Variants in NUP93 observed in about 807,000 individuals in gnomAD.
The protein encoded by NUP93 is nuclear pore complex protein Nup93.
NUP93 carries 55 observed loss-of-function variants against 107.8 expected under a neutral mutation model. The ratio of observed to expected loss-of-function variants is 0.51; its 90% CI spans 0.41 to 0.64. NUP93 has a LOEUF of 0.64. Among genes scored for constraint, NUP93 ranks in the 30% least tolerant of loss-of-function variants. NUP93 has a pLI of 0.00. For missense variants in NUP93, 937 were observed against 1,044.7 expected, an observed-to-expected ratio of 0.90 and a Z score of 1.42; for synonymous variants, 390 against 397.5, an observed-to-expected ratio of 0.98 and a Z score of 0.22.
intron 3 of NUP93, among the ~76,000 whole-genome samples, chr16:56,767,963 GA>G (rs1156596581): frequency 1.3e-5 from 2 of 152,120 alleles, no homozygotes; most frequent in Non-Finnish European, 2.9e-5. Flanking sequence ...CTCAGACTGA[GA>G]GATACTTTTA....
In NUP93 at chr16:56,841,793, C is replaced by T. The variant is rs572483425; in HGVS notation, c.2309C>T (p.Ser770Leu). The T allele has an allele frequency of 2.3e-5, 37 of 1,614,220 alleles. No homozygotes were observed. The highest frequency in any genetic ancestry group is 2.2e-4 in the East Asian group (10 of 44,886). Residue 770 changes from serine (S) to leucine (L), a missense_variant, in exon 21 of 22, where the codon TCG becomes TTG. By Grantham distance (145) the Ser-to-Leu change is moderately radical (BLOSUM62 -2). Coordinates refer to ENST00000308159, the MANE Select transcript of NUP93 (RefSeq NM_014669.5). The stretch of plus-strand genomic sequence containing the variant: ...AGGCTCAAGGGGACAAGTCCATCCT[C>T]GTCATCCAGGCCCCAGCGAGTCATC... ...FKRLKGTSPS[S>L]SSRPQRVIED...
rs1389175695 is a variant in NUP93 at position 56,838,984 on chromosome 16, T to C, written c.2051T>C (p.Phe684Ser). 1 of 1,614,176 alleles carries C rather than the reference T, an allele frequency of 6.2e-7. No individual in the cohort carries two copies. Among genetic ancestry groups the C allele is most frequent in the South Asian group, 1.1e-5 (1 of 91,078 alleles). ...YRAQGISANKFVDSTFYLLLD... is the reference protein window; with the variant it reads ...YRAQGISANKSVDSTFYLLLD... ...GCTCAAGGAATAAGCGCAAATAAAT[T>C]TGTGGACTCCACGTTCTATCTTCTT... The change falls in exon 19 of 22, where the codon TTT becomes TCT. Residue 684 changes from phenylalanine to serine, a missense_variant. By Grantham distance (155) the Phe-to-Ser change is radical. Transcript: ENST00000308159.
rs775401402 is a variant in NUP93, at chr16:56,805,599, A to G, written c.456A>G (p.Gly152=). 1.2e-6 allele frequency: 2 copies of G among 1,614,058 alleles called. No homozygotes were observed. Among genetic ancestry groups the G allele is most frequent in the Non-Finnish European group, 1.7e-6 (2 of 1,179,948 alleles). The change falls in exon 5 of 22, where the codon GGA becomes GGG. Residue 152 remains glycine (G), a synonymous_variant. Coordinates refer to ENST00000308159, the MANE Select transcript of NUP93 (RefSeq NM_014669.5). The stretch of plus-strand genomic sequence containing the variant: ...TTCTGCACACACTGCTGGCATCAGG[A>G]GAAGACGCCCTTGACTTTACTCAAG... The part of the protein sequence containing the change: ...QRILHTLLAS[G]EDALDFTQES...
intron 3 of NUP93, among the ~76,000 whole-genome samples, chr16:56,777,862 G>A (rs938465956): frequency 3.9e-5 from 6 of 152,158 alleles, no homozygotes; most frequent in African/African-American, 1.2e-4. Context: ...GAAAGAACAA[G>A]CAAAAGTAAT....
chr16:56,790,656 G>C (rs1385737567), intron 3 of NUP93, among the ~76,000 whole-genome samples: 1 of 152,196 alleles, frequency 6.6e-6, no homozygotes, highest in Non-Finnish European at 1.5e-5. Flanking sequence ...AAATTGGCAA[G>C]AAGGTTTGGG....
At chr16:56,758,072 GAAA>G (rs74269902) in intron 2 of NUP93, among the ~76,000 whole-genome samples, 2 of 69,300 alleles carry the variant, frequency 2.9e-5, no homozygotes, top group South Asian at 5.3e-4. Flanking sequence ...CTCTGTCTCA[GAAA>G]AAAAAAAAAG....
chr16:56,752,683 T>A (rs1483426627), intron 2 of NUP93, among the ~76,000 whole-genome samples: 1 of 152,156 alleles, frequency 6.6e-6, no homozygotes, highest in Non-Finnish European at 1.5e-5. Flanking sequence ...TACAAGAGAC[T>A]TAGAATAGCC....
rs1214247157 is a variant in NUP93, at chr16:56,849,944, T to A, written c.*5335T>A. On this transcript the variant is annotated 3_prime_UTR_variant, in exon 22 of 22. Transcript: ENST00000308159. ...CCCCAGTTGACCTCAGTGGCTGTCATCTACTGTGTTTTTCAACCAGGAATT... is the reference window on the plus strand; with the variant it reads ...CCCCAGTTGACCTCAGTGGCTGTCAACTACTGTGTTTTTCAACCAGGAATT... The A allele has an allele frequency of 6.6e-6, 1 of 152,176 alleles. No homozygotes were observed. Among genetic ancestry groups the A allele is most frequent in the African/African-American group, 2.4e-5 (1 of 41,432 alleles). The allele number at this position is 152,176 out of a possible 1,614,324, so 9.4% of individuals were successfully genotyped here.
intron 3 of NUP93, among the ~76,000 whole-genome samples, chr16:56,774,010 T>C (rs1240103856): frequency 2.6e-5 from 4 of 152,232 alleles, no homozygotes; most frequent in African/African-American, 7.2e-5. Context: ...TTGTCAGTTA[T>C]AATTGTTTTC....
At chr16:56,838,438 A>T (rs1227391919) in intron 18 of NUP93, among the ~76,000 whole-genome samples, 1 of 152,222 alleles carries the variant, frequency 6.6e-6, no homozygotes, top group Non-Finnish European at 1.5e-5. Context: ...CATGTGGTGG[A>T]GTACCTGTAG....
At chr16:56,839,299 T>C in intron 19 of NUP93, 1 of 415,784 alleles carries the variant, frequency 2.4e-6, no homozygotes, top group Non-Finnish European at 4.2e-6. Flanking sequence ...ACAGAGAAGT[T>C]TCTCAAAGTA....
chr16:56,820,338 C>G (rs1248132778), intron 6 of NUP93, among the ~76,000 whole-genome samples: 1 of 152,224 alleles, frequency 6.6e-6, no homozygotes, highest in Non-Finnish European at 1.5e-5. Flanking sequence ...GAGACGAAGT[C>G]TTGCTCTTTC....
At position 56,830,641 on chromosome 16, in the gene NUP93, G is replaced by A; in HGVS notation, c.1041G>A (p.Glu347=). 1 of 1,606,026 alleles carries A rather than the reference G, an allele frequency of 6.2e-7. No individual in the cohort carries two copies. The highest frequency in any genetic ancestry group is 8.5e-7 in the Non-Finnish European group (1 of 1,173,396). ...VVNRAQHQLG[E]FKTWFQEYMN... ...ATCGAGCCCAGCACCAGCTGGGAGA[G>A]TTTAAAACCTGGTTCCAGGAGTACA... The change falls in exon 10 of 22, where the codon GAG becomes GAA. Residue 347 remains glutamate, a synonymous_variant. Transcript: ENST00000308159.
chr16:56,748,201 G>C (rs1734535934), intron 1 of NUP93, 33 bp from the exon 2 acceptor site: 1 of 1,460,576 alleles, frequency 6.8e-7, no homozygotes. Flanking sequence ...TCTTTCCCTT[G>C]ATTTAGATCT....
intron 5 of NUP93, among the ~76,000 whole-genome samples, chr16:56,809,612 C>T (rs1963270158): frequency 6.6e-6 from 1 of 152,052 alleles, no homozygotes; most frequent in Admixed American, 6.6e-5. Context: ...ATAATATGCT[C>T]GTGAGACCCA....
In NUP93 at chr16:56,765,297, T is replaced by C. The variant is rs188672854; in HGVS notation, c.297+6642T>C. ...AGCATTTGCATTTATTTATCTCCTTTGTTATATTCCTCTTGTCCCTAAGAG... is the reference window on the plus strand; with the variant it reads ...AGCATTTGCATTTATTTATCTCCTTCGTTATATTCCTCTTGTCCCTAAGAG... On this transcript the variant is annotated intron_variant, in intron 3 of 21. Coordinates refer to ENST00000308159, the MANE Select transcript of NUP93 (RefSeq NM_014669.5). 2.8e-4 allele frequency among the ~76,000 whole-genome samples: 43 copies of C among 152,362 alleles called. 1 individual carries two copies. In the East Asian group the frequency reaches 6.0e-3, roughly 21 times the overall value.
At chr16:56,768,106 T>A (rs1962246810) in intron 3 of NUP93, among the ~76,000 whole-genome samples, 1 of 152,252 alleles carries the variant, frequency 6.6e-6, no homozygotes, top group Non-Finnish European at 1.5e-5. Flanking sequence ...TGTCAGTCTT[T>A]GCACTTACCT....
At chr16:56,821,404 A>G in intron 6 of NUP93, 100 bp from the exon 7 acceptor site, 2 of 757,032 alleles carry the variant, frequency 2.6e-6, no homozygotes, top group Non-Finnish European at 4.4e-6. Context: ...GAGGAAGGAA[A>G]GGTTGGCCGA....
At chr16:56,837,757 G>C in intron 18 of NUP93, 31 bp downstream of exon 18, 8 of 1,540,846 alleles carry the variant, frequency 5.2e-6, no homozygotes, top group South Asian at 1.1e-5. Context: ...ATGGGACCCT[G>C]AGGGTGCCAC....
Sources: gnomAD v4.1 joint callset for allele counts (sites outside exome capture counted in the v4.1 genomes callset) on GRCh38, gnomAD v4.1.1 for gene constraint, MANE v1.5 for transcripts, NCBI Gene and HGNC (gene_info 2026-07-23, HGNC 2026-07-21) for gene names.